SLAIN2: variants seen among roughly 807,000 people sequenced by gnomAD.
SLAIN2 encodes SLAIN motif-containing protein 2.
Under a neutral mutation model 56.6 loss-of-function variants are expected in SLAIN2, and 31 were observed. The observed-to-expected ratio is 0.55, with a 90% CI of 0.41 to 0.74. The LOEUF (loss-of-function observed/expected upper bound fraction) is 0.74, where lower values mean the gene tolerates loss of function less well. SLAIN2 is among the 30% of genes least tolerant of loss of function. The probability of loss-of-function intolerance (pLI) is 0.00; values close to 1 mark genes in which losing one functional copy is unlikely to be tolerated. For missense variants in SLAIN2, 777 were observed against 754.2 expected (o/e 1.03, Z -0.35); for synonymous variants, 317 against 284.9 (o/e 1.11, Z -1.13).
Position 48,341,784 on chromosome 4 carries a change from G to A in SLAIN2, c.45G>A (p.Arg15=). 2.0e-6 allele frequency: 3 copies of A among 1,529,772 alleles called. No individual in the cohort carries two copies. Among genetic ancestry groups the A allele is most frequent in the East Asian group, 2.6e-5 (1 of 37,986 alleles). 94.8% of individuals were successfully genotyped at this position (1,529,772 alleles called of 1,614,324 possible). The change falls in exon 1 of 8, where the codon CGG becomes CGA. Residue 15 remains arginine (R), a synonymous_variant. Transcript: ENST00000264313. ...ACGTGAACGCGGACCAGGAGGTGCG[G>A]AAGCTGCAGGAGCTGGTGAAGAAGC... ...NSNVNADQEV[R]KLQELVKKLE... is the part of the protein sequence containing the mutation.
chr4:48,396,539 C>T (rs566504168), intron 6 of SLAIN2, among the ~76,000 whole-genome samples: 6 of 152,214 alleles, frequency 3.9e-5, no homozygotes, highest in African/African-American at 9.6e-5. Flanking sequence ...CCCCTCATAT[C>T]GAGACATTAA....
chr4:48,420,014 G>A, intron 6 of SLAIN2, 111 bp from the exon 7 acceptor site: 2 of 1,087,046 alleles, frequency 1.8e-6, no homozygotes, highest in Admixed American at 2.7e-5. Context: ...TTGCTGTGAA[G>A]TTTCCTGAAT....
chr4:48,410,580 C>T (rs1716820207), intron 6 of SLAIN2, among the ~76,000 whole-genome samples: 1 of 152,264 alleles, frequency 6.6e-6, no homozygotes, highest in East Asian at 1.9e-4. Flanking sequence ...TGCGCTTTCC[C>T]CTTCGGTACT....
Position 48,376,411 on chromosome 4 carries a change from C to T in SLAIN2, c.539-1485C>T, listed in dbSNP as rs189681573. ...CAGAAGTTACAGTGAGCCGAAATCACGCCACTGCACTCCAGCCTGGGTGAC... is the reference window on the plus strand; with the variant it reads ...CAGAAGTTACAGTGAGCCGAAATCATGCCACTGCACTCCAGCCTGGGTGAC... On this transcript the variant is annotated intron_variant, in intron 2 of 7. Transcript: ENST00000264313. Among the ~76,000 whole-genome samples, 254 of 146,166 alleles carry T rather than the reference C, an allele frequency of 1.7e-3. 1 individual carries two copies. Among genetic ancestry groups the T allele is most frequent in the African/African-American group, 6.2e-3 (243 of 39,412 alleles).
intron 1 of SLAIN2, among the ~76,000 whole-genome samples, chr4:48,368,648 C>A (rs1191181121): frequency 6.6e-6 from 1 of 152,098 alleles, no homozygotes; most frequent in Non-Finnish European, 1.5e-5. Flanking sequence ...GGAATCTTTG[C>A]AGTATTTAAA....
intron 1 of SLAIN2, among the ~76,000 whole-genome samples, chr4:48,346,974 C>G (rs1714883770): frequency 6.6e-6 from 1 of 151,556 alleles, no homozygotes; most frequent in Non-Finnish European, 1.5e-5. Context: ...GTGCCTTGCC[C>G]TCTATTCCAT....
intron 1 of SLAIN2, among the ~76,000 whole-genome samples, chr4:48,343,886 A>G (rs1714793123): frequency 6.6e-6 from 1 of 152,234 alleles, no homozygotes; most frequent in Non-Finnish European, 1.5e-5. Flanking sequence ...AATCTTGGGT[A>G]TGTATGCACT....
chr4:48,371,988 A>ACG (rs1253959677), intron 2 of SLAIN2, among the ~76,000 whole-genome samples: 4 of 137,922 alleles, frequency 2.9e-5, no homozygotes, highest in Non-Finnish European at 4.9e-5. Context: ...ACACACACAC[A>ACG]CGCGCGCACA....
intron 6 of SLAIN2, among the ~76,000 whole-genome samples, chr4:48,395,255 A>C (rs1716346191): frequency 6.6e-6 from 1 of 152,170 alleles, no homozygotes; most frequent in Non-Finnish European, 1.5e-5. Context: ...GTGGGATTGG[A>C]TAGACCAACA....
At chr4:48,346,822 GCTTT>G (rs1560448076) in intron 1 of SLAIN2, among the ~76,000 whole-genome samples, 2 of 147,730 alleles carry the variant, frequency 1.4e-5, no homozygotes, top group Admixed American at 6.8e-5. Flanking sequence ...CATCTAATAA[GCTTT>G]CTATTTCCCT....
chr4:48,365,428 G>C (rs1446553824), intron 1 of SLAIN2, among the ~76,000 whole-genome samples: 3 of 110,124 alleles, frequency 2.7e-5, no homozygotes, highest in Non-Finnish European at 5.1e-5. Flanking sequence ...GATCGCAACA[G>C]AGCAAGACTC....
At chr4:48,404,214 A>G (rs1229294775) in intron 6 of SLAIN2, among the ~76,000 whole-genome samples, 3 of 152,076 alleles carry the variant, frequency 2.0e-5, no homozygotes, top group Non-Finnish European at 2.9e-5. Context: ...GCTACTTCCA[A>G]TTGACCATCT....
intron 2 of SLAIN2, among the ~76,000 whole-genome samples, chr4:48,370,335 C>T (rs1023367473): frequency 6.6e-6 from 1 of 152,158 alleles, no homozygotes; most frequent in Non-Finnish European, 1.5e-5. Flanking sequence ...ACATTCCACT[C>T]TTTGGGGAAA....
intron 6 of SLAIN2, among the ~76,000 whole-genome samples, chr4:48,400,852 T>C (rs1034901507): frequency 2.6e-5 from 4 of 152,198 alleles, no homozygotes; most frequent in African/African-American, 9.6e-5. Context: ...TTGTTTGCTC[T>C]TGGTTCTCTA....
intron 3 of SLAIN2, 53 bp downstream of exon 3, chr4:48,378,113 C>G (rs1223368813): frequency 2.1e-5 from 33 of 1,535,456 alleles, no homozygotes; most frequent in Non-Finnish European, 2.8e-5. Context: ...GCTTACTGCA[C>G]TGTATCAGAA....
intron 6 of SLAIN2, among the ~76,000 whole-genome samples, chr4:48,411,099 AGTGT>A (rs887919770): frequency 5.3e-5 from 8 of 151,728 alleles, no homozygotes; most frequent in Non-Finnish European, 1.0e-4. Flanking sequence ...TTAACTAGTG[AGTGT>A]GTGTGTATGT....
intron 2 of SLAIN2, among the ~76,000 whole-genome samples, chr4:48,372,929 T>TAGG (rs536535111): frequency 1.7e-3 from 266 of 152,300 alleles, no homozygotes; most frequent in Middle Eastern, 3.4e-3. Context: ...CAGAGCTTCC[T>TAGG]AGGAACTTAA....
Position 48,383,662 on chromosome 4 carries a change from G to C in SLAIN2, c.1238G>C (p.Ser413Thr). Residue 413 changes from serine to threonine, a missense_variant, in exon 6 of 8, where the codon AGT (serine) becomes ACT (threonine). Coordinates refer to ENST00000264313, the MANE Select transcript of SLAIN2 (RefSeq NM_020846.2). ...TCTGTTGCAGAAAAACTAAGACGCA[G>C]TCTTCCAAACCTGTCCCGAACATCT... ...NVKNEEKLRR[S>T]LPNLSRTSNT... The C allele has an allele frequency of 6.3e-7, 1 of 1,575,222 alleles. No individual in the cohort carries two copies.
At chr4:48,406,167 C>A (rs1343752349) in intron 6 of SLAIN2, among the ~76,000 whole-genome samples, 2 of 152,078 alleles carry the variant, frequency 1.3e-5, no homozygotes, top group Non-Finnish European at 2.9e-5. Context: ...AAAAGTCCTG[C>A]TTGCTTTTGG....
Sources: gnomAD v4.1 joint callset for allele counts (sites outside exome capture counted in the v4.1 genomes callset) on GRCh38, gnomAD v4.1.1 for gene constraint, MANE v1.5 for transcripts, NCBI Gene and HGNC (gene_info 2026-07-23, HGNC 2026-07-21) for gene names.